Variants in APOB observed in about 807,000 individuals in gnomAD.
APOB encodes the protein apolipoprotein B.
A neutral mutation model predicts 314.1 loss-of-function variants in APOB; 153 were observed. The ratio of observed to expected loss-of-function variants is 0.49; its 90% CI spans 0.43 to 0.56. The LOEUF is 0.56. APOB is among the 20% of genes least tolerant of loss of function. The pLI is 0.00. For missense variants in APOB, 5,430 were observed against 5,350.7 expected (o/e 1.01, Z -0.46); for synonymous variants, 2,087 against 2,036.4 (o/e 1.02, Z -0.67).
At chr2:21,003,480 A>C in intron 28 of APOB, 146 bp from the exon 29 acceptor site, 1 of 762,738 alleles carries the variant, frequency 1.3e-6, no homozygotes, top group Non-Finnish European at 2.2e-6. Flanking sequence ...ATGTCAGTTC[A>C]TGTGTTTGTT....
rs1460094143 is a variant in APOB at position 21,006,856 on chromosome 2, T to A, written c.10012A>T (p.Thr3338Ser). 6.2e-7 allele frequency: 1 copy of A among 1,614,068 alleles called. No individual in the cohort carries two copies. Among genetic ancestry groups the A allele is most frequent in the East Asian group, 2.2e-5 (1 of 44,880 alleles). The change falls in exon 26 of 29, where the codon ACC becomes TCC. Residue 3338 changes from threonine to serine, a missense_variant. Thr to Ser is a moderately conservative substitution (Grantham distance 58, BLOSUM62 1). Coordinates refer to ENST00000233242, the MANE Select transcript of APOB (RefSeq NM_000384.3). ...HIFIPAMGNI[T>S]YDFSFKSSVI... ...CTTGATTTAAAGGAGAAATCATAGG[T>A]AATATTGCCCATGGCAGGAATAAAA...
chr2:21,004,255 T>C lies in APOB; in HGVS notation c.12087+14A>G, dbSNP rs374726705. 6.2e-6 allele frequency: 10 copies of C among 1,613,534 alleles called. No homozygotes were observed. Among genetic ancestry groups the C allele is most frequent in the African/African-American group, 5.3e-5 (4 of 74,898 alleles). ...TCGCTCTTGGGGGCGTGTCACTCAT[T>C]AGGTGGTATTTACCTGAGGGCTGTA... On this transcript the variant is annotated intron_variant, in intron 28 of 28. Transcript: ENST00000233242.
rs558652925 is a variant in APOB, at chr2:21,043,636, G to T, written c.83-85C>A. On this transcript the variant is annotated intron_variant, in intron 1 of 28. Coordinates refer to ENST00000233242, the MANE Select transcript of APOB (RefSeq NM_000384.3). ...CCCGACAGGGGGACCACCGGCACAG[G>T]TTTCACCTTTCAGGAGGGAGGCAGG... The T allele has an allele frequency of 7.3e-5, 113 of 1,543,038 alleles. 1 individual carries two copies. In the South Asian group the frequency reaches 8.6e-4, roughly 12 times the overall value.
Position 21,008,386 on chromosome 2 carries a change from C to T in APOB, c.8482G>A (p.Val2828Met). 1.9e-6 allele frequency: 3 copies of T among 1,614,082 alleles called. No individual in the cohort carries two copies. The highest frequency in any genetic ancestry group is 2.5e-6 in the Non-Finnish European group (3 of 1,179,972). ...CTCAGGTACTTGCTGGAGAACTTCACTGACTCCTTCAGAGCCAGCGGATTA... is the reference window on the plus strand; with the variant it reads ...CTCAGGTACTTGCTGGAGAACTTCATTGACTCCTTCAGAGCCAGCGGATTA... ...KINPLALKES[V>M]KFSSKYLRTE... The change falls in exon 26 of 29, where the codon GTG becomes ATG. Residue 2828 changes from valine to methionine, a missense_variant. Val to Met is a conservative substitution (Grantham distance 21, BLOSUM62 1). Coordinates refer to ENST00000233242, the MANE Select transcript of APOB (RefSeq NM_000384.3).
At chr2:21,023,773 G>A in intron 16 of APOB, 81 bp from the exon 17 acceptor site, 1 of 1,199,692 alleles carries the variant, frequency 8.3e-7, no homozygotes. Context: ...CCATACATTG[G>A]AGAGTAATTC....
rs113604891 is a variant in APOB, at chr2:21,005,297, C to A, written c.11571G>T (p.Val3857=). 39 of 1,614,032 alleles carry A rather than the reference C, an allele frequency of 2.4e-5. 1 individual carries two copies. Among genetic ancestry groups the A allele is most frequent in the African/African-American group, 2.4e-4 (18 of 74,996 alleles). ...IADFELPTII[V]PEQTIEIPSI... ...AGGGAATCTCAATGGTCTGCTCAGG[C>A]ACGATGATGGTGGGCAACTCAAAGT... Residue 3857 remains valine (V), a synonymous_variant, in exon 26 of 29, where the codon GTG becomes GTT. Coordinates refer to ENST00000233242, the MANE Select transcript of APOB (RefSeq NM_000384.3).
rs961775649 is a variant in APOB, at chr2:21,043,458, T to C, written c.121+55A>G. On this transcript the variant is annotated intron_variant, in intron 2 of 28. Transcript: ENST00000233242. ...TGGGAGGCCCTCAGGGACCCGGGTG[T>C]AGGAGAGTGCACGGGGCTGGGCGCC... 8.3e-6 allele frequency: 13 copies of C among 1,564,758 alleles called. No individual in the cohort carries two copies. In the African/African-American group the frequency reaches 1.6e-4, roughly 20 times the overall value.
In APOB at chr2:21,001,638, T is replaced by C; in HGVS notation, c.*92A>G. ...CCTACTGCAAGGCTGGCTCACTGTATGGTTTTATCAATATAGGCAGTTTGA... is the reference window on the plus strand; with the variant it reads ...CCTACTGCAAGGCTGGCTCACTGTACGGTTTTATCAATATAGGCAGTTTGA... On this transcript the variant is annotated 3_prime_UTR_variant, in exon 29 of 29. Transcript: ENST00000233242. 1 of 1,309,702 alleles carries C rather than the reference T, an allele frequency of 7.6e-7. No individual in the cohort carries two copies. Among genetic ancestry groups the C allele is most frequent in the Non-Finnish European group, 1.1e-6 (1 of 917,144 alleles). 81.1% of individuals were successfully genotyped at this position (1,309,702 alleles called of 1,614,324 possible).
At chr2:21,024,809 A>G (rs1301137029) in intron 16 of APOB, 124 bp downstream of exon 16, 2 of 997,004 alleles carry the variant, frequency 2.0e-6, no homozygotes, top group African/African-American at 3.2e-5. Flanking sequence ...GCAAACCTCC[A>G]TCTCTGAAGA....
chr2:21,003,068 C>A lies in APOB; in HGVS notation c.12354G>T (p.Gly4118=). The A allele has an allele frequency of 2.5e-6, 4 of 1,575,578 alleles. No homozygotes were observed. Among genetic ancestry groups the A allele is most frequent in the Non-Finnish European group, 3.4e-6 (4 of 1,160,986 alleles). Residue 4118 remains glycine, a synonymous_variant, in exon 29 of 29, where the codon GGG becomes GGT. Coordinates refer to ENST00000233242, the MANE Select transcript of APOB (RefSeq NM_000384.3). ...CGATATCATCAATTTGCCTAATGGC[C>A]CCTTGATAAACCCACTCAGCATTGT... ...LQNNAEWVYQ[G]AIRQIDDIDV... is the part of the protein sequence containing the mutation.
intron 1 of APOB, 58 bp downstream of exon 1, chr2:21,043,806 C>G: frequency 1.3e-6 from 2 of 1,530,358 alleles, no homozygotes; most frequent in Non-Finnish European, 8.7e-7. Flanking sequence ...CCCGGCCAAC[C>G]TCGTGCCGCC....
At chr2:21,042,303 G>T in intron 3 of APOB, 58 bp downstream of exon 3, 1 of 1,400,554 alleles carries the variant, frequency 7.1e-7, no homozygotes, top group Non-Finnish European at 1.0e-6. Context: ...GCGCCCGCTG[G>T]AACAGGGCTG....
chr2:21,004,514 T>G lies in APOB; in HGVS notation c.11903+47A>C, dbSNP rs1335189482. On this transcript the variant is annotated intron_variant, in intron 27 of 28. Coordinates refer to ENST00000233242, the MANE Select transcript of APOB (RefSeq NM_000384.3). ...GGTATGGAGATGAAGAAAATCACAA[T>G]GAGTTTTCAAAAGGTATAAGGTTTC... 7 of 1,612,504 alleles carry G rather than the reference T, an allele frequency of 4.3e-6. 1 individual carries two copies. The South Asian group carries it at 7.7e-5, about 18-fold the overall frequency.
At chr2:21,025,221 C>T (rs1663702718) in intron 15 of APOB, 97 bp from the exon 16 acceptor site, 1 of 1,246,074 alleles carries the variant, frequency 8.0e-7, no homozygotes, top group Non-Finnish European at 1.2e-6. Context: ...CCAGGATGGG[C>T]CTAAAAAATG....
At chr2:21,016,744 G>A in intron 20 of APOB, 95 bp from the exon 21 acceptor site, 1 of 808,012 alleles carries the variant, frequency 1.2e-6, no homozygotes, top group South Asian at 1.4e-5. Flanking sequence ...CAGCACTTTG[G>A]GAGGCCAAGG....
chr2:21,009,670 C>A lies in APOB; in HGVS notation c.7198G>T (p.Ala2400Ser). 1.2e-6 allele frequency: 2 copies of A among 1,613,264 alleles called. No individual in the cohort carries two copies. The highest frequency in any genetic ancestry group is 1.7e-6 in the Non-Finnish European group (2 of 1,179,508). ...FEKLVGFIDDAVKKLNELSFK... is the reference protein window; with the variant it reads ...FEKLVGFIDDSVKKLNELSFK... ...GATAATTCATTAAGCTTCTTGACAG[C>A]ATCATCAATAAATCCAACCAATTTC... Residue 2400 changes from alanine (A) to serine (S), a missense_variant, in exon 26 of 29, where the codon GCT becomes TCT. Coordinates refer to ENST00000233242, the MANE Select transcript of APOB (RefSeq NM_000384.3).
rs772991531 is a variant in APOB at position 21,007,826 on chromosome 2, C to T, written c.9042G>A (p.Lys3014=). The T allele has an allele frequency of 1.2e-6, 2 of 1,614,090 alleles. No homozygotes were observed. The highest frequency in any genetic ancestry group is 1.7e-6 in the Non-Finnish European group (2 of 1,179,964). ...AKGMALFGEG[K]AEFTGRHDAH... ...CATCATGCCTCCCAGTAAACTCTGCCTTCCCTTCTCCAAACAGTGCCATGC... is the reference window on the plus strand; with the variant it reads ...CATCATGCCTCCCAGTAAACTCTGCTTTCCCTTCTCCAAACAGTGCCATGC... Residue 3014 remains lysine (K), a synonymous_variant, in exon 26 of 29, where the codon AAG becomes AAA. Transcript: ENST00000233242.
chr2:21,039,554 C>T (rs933164678), intron 4 of APOB, among the ~76,000 whole-genome samples: 14 of 152,156 alleles, frequency 9.2e-5, no homozygotes, highest in Admixed American at 1.3e-4. Flanking sequence ...GTTCCCAACA[C>T]GAAGAAATGA....
At chr2:21,003,915 G>T (rs1197350104) in intron 28 of APOB, among the ~76,000 whole-genome samples, 2 of 152,114 alleles carry the variant, frequency 1.3e-5, no homozygotes, top group South Asian at 2.1e-4. Flanking sequence ...TTGTGGGGAA[G>T]AATTTTAAAG....
Sources: allele counts gnomAD v4.1 joint callset (sites outside exome capture counted in the v4.1 genomes callset), GRCh38; gene constraint gnomAD v4.1.1; transcripts MANE v1.5; gene names NCBI Gene and HGNC (gene_info 2026-07-23, HGNC 2026-07-21).